Variants in CSMD1 observed in about 807,000 individuals in gnomAD.
CSMD1 encodes CUB and sushi domain-containing protein 1.
A neutral mutation model predicts 417.5 loss-of-function variants in CSMD1; 213 were observed. The observed-to-expected ratio is 0.51, with a 90% CI of 0.46 to 0.57. The LOEUF is 0.57. Among genes scored for constraint, CSMD1 ranks in the 20% least tolerant of loss-of-function variants. CSMD1 has a pLI of 0.00. For missense variants in CSMD1, 6,923 were observed against 4,529.7 expected (o/e 1.53, Z -15.17); for synonymous variants, 2,862 against 1,736.8 (o/e 1.65, Z -16.11).
chr8:4,548,848 T>C (rs1337920735), intron 2 of CSMD1, among the ~76,000 whole-genome samples: 1 of 152,058 alleles, frequency 6.6e-6, no homozygotes, highest in African/African-American at 2.4e-5. Context: ...TGGGGGGACA[T>C]GTGATGCGCG....
intron 2 of CSMD1, among the ~76,000 whole-genome samples, chr8:4,511,810 T>C (rs1802836101): frequency 6.6e-6 from 1 of 152,150 alleles, no homozygotes; most frequent in South Asian, 2.1e-4. Context: ...GGTCTACACA[T>C]TATGAGTTTT....
intron 12 of CSMD1, among the ~76,000 whole-genome samples, 156 bp downstream of exon 12, chr8:3,468,556 G>C (rs147704177): frequency 1.3e-5 from 2 of 152,252 alleles, no homozygotes; most frequent in African/African-American, 4.8e-5. Flanking sequence ...TCACGAAAGC[G>C]AGTGTTAGTA....
At chr8:4,837,622 G>C (rs887740451) in intron 1 of CSMD1, among the ~76,000 whole-genome samples, 1 of 152,132 alleles carries the variant, frequency 6.6e-6, no homozygotes, top group Admixed American at 6.5e-5. Flanking sequence ...AAGGACAGTA[G>C]GGAGTTGCTG....
intron 41 of CSMD1, among the ~76,000 whole-genome samples, chr8:3,120,514 A>G (rs1441944761): frequency 6.6e-6 from 1 of 152,042 alleles, no homozygotes; most frequent in African/African-American, 2.4e-5. Context: ...GCTTTCTCCT[A>G]TTTAATAAAC....
At chr8:4,418,475 A>C (rs1042689590) in intron 3 of CSMD1, among the ~76,000 whole-genome samples, 5 of 152,154 alleles carry the variant, frequency 3.3e-5, no homozygotes, top group African/African-American at 4.8e-5. Context: ...AATTTTGGGA[A>C]TCTAACAAGA....
chr8:4,333,748 G>A (rs973362923), intron 3 of CSMD1, among the ~76,000 whole-genome samples: 12 of 152,178 alleles, frequency 7.9e-5, no homozygotes, highest in African/African-American at 1.9e-4. Flanking sequence ...GATCTAGTCC[G>A]CTGCCTGCCA....
chr8:3,504,969 G>C (rs551878308), intron 10 of CSMD1, among the ~76,000 whole-genome samples: 2 of 151,902 alleles, frequency 1.3e-5, no homozygotes, highest in South Asian at 2.1e-4. Context: ...AGATTAACCA[G>C]TGCACCAGGG....
At chr8:4,552,825 T>G (rs983730745) in intron 2 of CSMD1, among the ~76,000 whole-genome samples, 2 of 152,200 alleles carry the variant, frequency 1.3e-5, no homozygotes, top group African/African-American at 4.8e-5. Flanking sequence ...GATAGCCCAC[T>G]GCAATTATGC....
At chr8:4,072,692 C>CA (rs1799621615) in intron 3 of CSMD1, among the ~76,000 whole-genome samples, 1 of 152,130 alleles carries the variant, frequency 6.6e-6, no homozygotes, top group South Asian at 2.1e-4. Flanking sequence ...AGAATGATTT[C>CA]AACTCTGTGA....
intron 1 of CSMD1, among the ~76,000 whole-genome samples, chr8:4,799,076 G>C (rs1018242291): frequency 2.0e-5 from 3 of 152,138 alleles, no homozygotes; most frequent in African/African-American, 7.2e-5. Flanking sequence ...GCTTGCATTG[G>C]CCGACCCTGC....
intron 2 of CSMD1, among the ~76,000 whole-genome samples, chr8:4,561,038 C>T (rs1413145793): frequency 6.6e-6 from 1 of 152,132 alleles, no homozygotes; most frequent in Non-Finnish European, 1.5e-5. Context: ...CATACCAATC[C>T]ACAGGAATTA....
At chr8:4,235,714 T>C (rs1384610723) in intron 3 of CSMD1, among the ~76,000 whole-genome samples, 1 of 152,240 alleles carries the variant, frequency 6.6e-6, no homozygotes, top group Non-Finnish European at 1.5e-5. Context: ...ATTCTTGTGA[T>C]ATGTAAGTTC....
chr8:4,746,248 G>A (rs1810943326), intron 1 of CSMD1, among the ~76,000 whole-genome samples: 1 of 152,100 alleles, frequency 6.6e-6, no homozygotes, highest in African/African-American at 2.4e-5. Flanking sequence ...ACAAATTCCA[G>A]CCAGACTAGA....
intron 23 of CSMD1, among the ~76,000 whole-genome samples, chr8:3,315,582 T>C (rs1420558000): frequency 6.6e-6 from 1 of 152,128 alleles, no homozygotes; most frequent in Non-Finnish European, 1.5e-5. Flanking sequence ...TTCCCATATA[T>C]TAAGTTTTTG....
chr8:4,563,590 A>G (rs79041786), intron 2 of CSMD1, among the ~76,000 whole-genome samples: 2,479 of 152,280 alleles, frequency 0.016, 71 homozygotes, highest in African/African-American at 0.055. Context: ...TGAGTTGAAG[A>G]CAATGACACA....
chr8:4,050,389 A>G (rs745833488), intron 3 of CSMD1, among the ~76,000 whole-genome samples: 7 of 151,722 alleles, frequency 4.6e-5, no homozygotes, highest in Non-Finnish European at 8.8e-5. Flanking sequence ...AACTTTTTTA[A>G]TTTTTAATTT....
intron 3 of CSMD1, among the ~76,000 whole-genome samples, chr8:4,199,336 A>C (rs764893094): frequency 1.3e-5 from 2 of 152,162 alleles, no homozygotes; most frequent in Non-Finnish European, 2.9e-5. Flanking sequence ...TCTGTATCTG[A>C]AGTCTACCTC....
chr8:4,925,799 G>A (rs552861465), intron 1 of CSMD1, among the ~76,000 whole-genome samples: 3 of 152,082 alleles, frequency 2.0e-5, no homozygotes, highest in East Asian at 2.0e-4. Context: ...CGCCCTCCTC[G>A]GCCTCCCAAA....
intron 10 of CSMD1, among the ~76,000 whole-genome samples, chr8:3,558,817 G>C (rs918546183): frequency 1.3e-5 from 2 of 150,596 alleles, no homozygotes; most frequent in African/African-American, 4.9e-5. Context: ...ATAGCACCTC[G>C]TGTCCACTCC....
Sources: gnomAD v4.1 joint callset for allele counts (sites outside exome capture counted in the v4.1 genomes callset) on GRCh38, gnomAD v4.1.1 for gene constraint, MANE v1.5 for transcripts, NCBI Gene and HGNC (gene_info 2026-07-23, HGNC 2026-07-21) for gene names.